The following DOC2A variants were observed in gnomAD, a reference collection of about 807,000 sequenced individuals.
DOC2A encodes the protein double C2-like domain-containing protein alpha.
A neutral mutation model predicts 40.6 loss-of-function variants in DOC2A; 28 were observed. The observed-to-expected ratio is 0.69, with a 90% CI of 0.51 to 0.95. DOC2A has a LOEUF of 0.95. DOC2A is among the 40% of genes least tolerant of loss of function. The pLI is 0.00. For missense variants in DOC2A, 474 were observed against 552.5 expected (o/e 0.86, Z 1.42); for synonymous variants, 241 against 236.9 (o/e 1.02, Z -0.16).
In DOC2A at chr16:30,011,024, G is replaced by A. The variant is rs1158077273; in HGVS notation, c.-135C>T. 9 of 987,706 alleles carry A rather than the reference G, an allele frequency of 9.1e-6. No individual in the cohort carries two copies. Among genetic ancestry groups the A allele is most frequent in the East Asian group, 1.1e-4 (1 of 8,784 alleles). The allele number at this position is 987,706 out of a possible 1,614,324, so 61.2% of individuals were successfully genotyped here. ...CCGAGAGGGAGGGAGCGCCGAGAAA[G>A]TGCGGGGAGGAGGGGGTGAGCGAGG... On this transcript the variant is annotated 5_prime_UTR_variant, in exon 1 of 11. Coordinates refer to ENST00000350119, the MANE Select transcript of DOC2A (RefSeq NM_003586.3).
At position 30,009,178 on chromosome 16, in the gene DOC2A, G is replaced by A. The variant is rs370585487; in HGVS notation, c.417+24C>T. The A allele has an allele frequency of 6.2e-7, 1 of 1,609,300 alleles. No homozygotes were observed. Among genetic ancestry groups the A allele is most frequent in the African/African-American group, 1.3e-5 (1 of 74,874 alleles). ...CAGGCTGGAGTCATGGGCTGGGCCG[G>A]GCGGGGCGAGAGGAGGCTGTTACCT... On this transcript the variant is annotated intron_variant, in intron 4 of 10. Transcript: ENST00000350119. This position sits in a 1 kb window ranked among gnomAD's most constrained non-coding sequence, Gnocchi z 4.1.
chr16:30,022,372 G>A (rs1426922381), upstream of DOC2A, among the ~76,000 whole-genome samples: 3 of 150,094 alleles, frequency 2.0e-5, no homozygotes, highest in African/African-American at 4.9e-5. Flanking sequence ...AGTAATAGGT[G>A]TTCAATAAAT....
chr16:30,006,571 C>T lies in DOC2A; in HGVS notation c.960+25G>A, dbSNP rs376156461. ...TCCCCAGCCCCTCCCTGGCCTCCCT[C>T]CATGTCCCGTCCCCTCCTGGGTACC... On this transcript the variant is annotated intron_variant, in intron 9 of 10. Transcript: ENST00000350119. The surrounding 1 kb of genome is among the most constrained non-coding windows in gnomAD (Gnocchi z 6.2). 6.2e-7 allele frequency: 1 copy of T among 1,613,668 alleles called. No homozygotes were observed. Among genetic ancestry groups the T allele is most frequent in the Admixed American group, 1.7e-5 (1 of 60,002 alleles).
chr16:30,009,888 C>T lies in DOC2A; in HGVS notation c.262+73G>A. Reference sequence around the variant, plus strand: ...TACATGCACAGCCAGCAGGGCCCATCCCCCTCTCCCCCCACCACGGCAAGC... The same window carrying T: ...TACATGCACAGCCAGCAGGGCCCATTCCCCTCTCCCCCCACCACGGCAAGC... On this transcript the variant is annotated intron_variant, in intron 2 of 10. Transcript: ENST00000350119. The surrounding 1 kb of genome is among the most constrained non-coding windows in gnomAD (Gnocchi z 4.1). 6.4e-7 allele frequency: 1 copy of T among 1,559,138 alleles called. No individual in the cohort carries two copies. The highest frequency in any genetic ancestry group is 8.8e-7 in the Non-Finnish European group (1 of 1,136,280).
At position 30,010,930 on chromosome 16, in the gene DOC2A, T is replaced by TG. The variant is rs1376156059; in HGVS notation, c.-42dup. The TG allele has an allele frequency of 5.9e-6, 6 of 1,013,410 alleles. No homozygotes were observed. The highest frequency in any genetic ancestry group is 3.5e-5 in the South Asian group (1 of 28,794). 62.8% of individuals were successfully genotyped at this position (1,013,410 alleles called of 1,614,324 possible). A position where few individuals can be genotyped will look rare whatever the true frequency, so the allele number is the denominator to read the frequency against. ...CTGCCTCCAACAGGTGCCCAGGCAC[T>TG]GGGGGGACGGCGGGCGCAGGCTGGG... On this transcript the variant is annotated 5_prime_UTR_variant, in exon 1 of 11. Transcript: ENST00000350119. The surrounding 1 kb of genome is among the most constrained non-coding windows in gnomAD (Gnocchi z 4.2).
At chr16:30,011,515 C>A (rs2070779931), upstream of DOC2A, 2 of 668,406 alleles carry the variant, frequency 3.0e-6, no homozygotes, top group African/African-American at 2.0e-5. Flanking sequence ...CCACCGGCCT[C>A]GTTGTCATGG....
At chr16:30,016,047 ATATATATATTTTTTTTTTTTT>A (rs1308589449), upstream of DOC2A, among the ~76,000 whole-genome samples, 2 of 22,464 alleles carry the variant, frequency 8.9e-5, no homozygotes, top group African/African-American at 3.1e-4. Context: ...ATATATATAT[ATATATATATTTTTTTTTTTTT>A]TTTTTTTTTT....
At position 30,008,995 on chromosome 16, in the gene DOC2A, C is replaced by T. The variant is rs780276872; in HGVS notation, c.527+1G>A. 1.9e-6 allele frequency: 3 copies of T among 1,610,648 alleles called. No individual in the cohort carries two copies. The highest frequency in any genetic ancestry group is 2.5e-6 in the Non-Finnish European group (3 of 1,177,526). On this transcript the variant is annotated splice_donor_variant, in intron 5 of 10. Coordinates refer to ENST00000350119, the MANE Select transcript of DOC2A (RefSeq NM_003586.3). LOFTEE classifies it high-confidence loss of function. ...TGGGTGGTGGGGAGGGGGGCCCTCACCTGAGCACCTTGTGCGTGATGTCGT... is the reference window on the plus strand; with the variant it reads ...TGGGTGGTGGGGAGGGGGGCCCTCATCTGAGCACCTTGTGCGTGATGTCGT...
In DOC2A at chr16:30,010,063, CG is replaced by C. The variant is rs2070734397; in HGVS notation, c.159del (p.Ala54ProfsTer37). On this transcript the variant is annotated frameshift_variant, in exon 2 of 11. Transcript: ENST00000350119. LOFTEE classifies it high-confidence loss of function. This position sits in a 1 kb window ranked among gnomAD's most constrained non-coding sequence, Gnocchi z 4.2. ...EGGGGGGGEA[P>X]AHLVPLALAP... ...GCCAGAGCCAGGGGGACCAGATGGG[CG>C]GGGGCCTCCCCGCCGCCCCCGCCGC... is the stretch of plus-strand genomic sequence containing the variant. The C allele has an allele frequency of 3.7e-6, 6 of 1,607,402 alleles. No individual in the cohort carries two copies. Among genetic ancestry groups the C allele is most frequent in the African/African-American group, 1.3e-5 (1 of 74,958 alleles).
upstream of DOC2A, among the ~76,000 whole-genome samples, chr16:30,022,814 A>G (rs2070932802): frequency 6.6e-6 from 1 of 152,094 alleles, no homozygotes. Flanking sequence ...CAGACAGATA[A>G]AAGGAAGGGA....
upstream of DOC2A, among the ~76,000 whole-genome samples, chr16:30,014,532 G>A (rs2070835422): frequency 6.6e-6 from 1 of 151,996 alleles, no homozygotes; most frequent in Non-Finnish European, 1.5e-5. Context: ...CTGCTTGGGA[G>A]GCTGAGGCAG....
At position 30,006,599 on chromosome 16, in the gene DOC2A, G is replaced by A. The variant is rs373670987; in HGVS notation, c.957C>T (p.Asn319=). 29 of 1,613,510 alleles carry A rather than the reference G, an allele frequency of 1.8e-5. No individual in the cohort carries two copies. The highest frequency in any genetic ancestry group is 8.8e-5 in the South Asian group (8 of 91,058). The change falls in exon 9 of 11, where the codon AAC becomes AAT. Residue 319 remains asparagine (N), a synonymous_variant. Coordinates refer to ENST00000350119, the MANE Select transcript of DOC2A (RefSeq NM_003586.3). This position sits in a 1 kb window ranked among gnomAD's most constrained non-coding sequence, Gnocchi z 6.2. ...VKKKTLNPEF[N]EEFFYEIELS... ...TGTCCCGTCCCCTCCTGGGTACCTC[G>A]TTAAATTCTGGGTTGAGAGTCTTCT... is the stretch of plus-strand genomic sequence containing the variant.
At position 30,009,872 on chromosome 16, in the gene DOC2A, A is replaced by T; in HGVS notation, c.262+89T>A. On this transcript the variant is annotated intron_variant, in intron 2 of 10. Transcript: ENST00000350119. This position sits in a 1 kb window ranked among gnomAD's most constrained non-coding sequence, Gnocchi z 4.1. The stretch of plus-strand genomic sequence containing the variant: ...GCCCTCCTCCCCTACCTACATGCAC[A>T]GCCAGCAGGGCCCATCCCCCTCTCC... 7.4e-7 allele frequency: 1 copy of T among 1,343,104 alleles called. No individual in the cohort carries two copies. The highest frequency in any genetic ancestry group is 1.2e-5 in the South Asian group (1 of 83,370). The allele number at this position is 1,343,104 out of a possible 1,614,324, so 83.2% of individuals were successfully genotyped here. A position where few individuals can be genotyped will look rare whatever the true frequency, so the allele number is the denominator to read the frequency against.
chr16:30,013,022 A>C (rs1161332854), upstream of DOC2A, among the ~76,000 whole-genome samples: 1 of 151,548 alleles, frequency 6.6e-6, no homozygotes, highest in African/African-American at 2.4e-5. Flanking sequence ...CAAACAAAAA[A>C]CCCTGAGATA....
chr16:30,009,312 C>T lies in DOC2A; in HGVS notation c.343-36G>A. On this transcript the variant is annotated intron_variant, in intron 3 of 10. Transcript: ENST00000350119. The surrounding 1 kb of genome is among the most constrained non-coding windows in gnomAD (Gnocchi z 4.1). ...GGGCAGGGGAGAGGGCTAGAGGCTC[C>T]CGGCACCTCTCTCCATCCCTCTTGT... 2 of 1,538,050 alleles carry T rather than the reference C, an allele frequency of 1.3e-6. No homozygotes were observed. Among genetic ancestry groups the T allele is most frequent in the Non-Finnish European group, 1.8e-6 (2 of 1,135,540 alleles).
rs923700412 is a variant in DOC2A at position 30,005,645 on chromosome 16, AG to A, written c.*540del. The A allele has an allele frequency of 1.3e-3, 775 of 593,504 alleles. 6 individuals carry two copies. Among genetic ancestry groups the A allele is most frequent in the African/African-American group, 0.012 (612 of 52,230 alleles). 36.8% of individuals were successfully genotyped at this position (593,504 alleles called of 1,614,324 possible). A position where few individuals can be genotyped will look rare whatever the true frequency, so the allele number is the denominator to read the frequency against. On this transcript the variant is annotated 3_prime_UTR_variant, in exon 11 of 11. Transcript: ENST00000350119. Reference sequence around the variant, plus strand: ...CTGCCTTCAAACCCCGGCCCCCTCCAGGGGACAGTTATTTAAACGAGTGGCC... The same window carrying A: ...CTGCCTTCAAACCCCGGCCCCCTCCAGGGACAGTTATTTAAACGAGTGGCC...
chr16:30,010,587 G>T lies in DOC2A; in HGVS notation c.-14+316C>A. 3.0e-6 allele frequency: 1 copy of T among 338,934 alleles called. No individual in the cohort carries two copies. The highest frequency in any genetic ancestry group is 5.6e-6 in the Non-Finnish European group (1 of 177,556). The allele number at this position is 338,934 out of a possible 1,614,324, so 21.0% of individuals were successfully genotyped here. On this transcript the variant is annotated intron_variant, in intron 1 of 10. Transcript: ENST00000350119. This position sits in a 1 kb window ranked among gnomAD's most constrained non-coding sequence, Gnocchi z 4.2. Reference sequence around the variant, plus strand: ...TGCCTGTCCCCCAAGGGGCCCTGCAGGGCCCCGCCTCTGTTTCTCGGAGGC... The same window carrying T: ...TGCCTGTCCCCCAAGGGGCCCTGCATGGCCCCGCCTCTGTTTCTCGGAGGC...
Position 30,006,293 on chromosome 16 carries a change from G to C in DOC2A, c.1096C>G (p.Arg366Gly). 1.2e-6 allele frequency: 2 copies of C among 1,610,384 alleles called. No homozygotes were observed. Among genetic ancestry groups the C allele is most frequent in the South Asian group, 1.1e-5 (1 of 90,842 alleles). The change falls in exon 11 of 11, where the codon CGG (arginine) becomes GGG (glycine). Residue 366 changes from arginine to glycine, a missense_variant. Physicochemically the swap from Arg to Gly is moderately radical, Grantham distance 125. Transcript: ENST00000350119. The surrounding 1 kb of genome is among the most constrained non-coding windows in gnomAD (Gnocchi z 6.2). ...SLGPGARGEA[R>G]KHWSDCLQQP... is the part of the protein sequence containing the mutation. ...TGCAGGCAGTCACTCCAGTGCTTCCGAGCCTCGCCTCGGGCACCTGGCCCC... is the reference window on the plus strand; with the variant it reads ...TGCAGGCAGTCACTCCAGTGCTTCCCAGCCTCGCCTCGGGCACCTGGCCCC...
chr16:30,013,894 T>C (rs185249280), upstream of DOC2A, among the ~76,000 whole-genome samples: 156 of 152,160 alleles, frequency 1.0e-3, 1 homozygote, highest in East Asian at 0.015. Flanking sequence ...TTTTTGTATT[T>C]TTAGTAGAGA....
Sources: allele counts gnomAD v4.1 joint callset (sites outside exome capture counted in the v4.1 genomes callset), GRCh38; gene constraint gnomAD v4.1.1; non-coding constraint Gnocchi (gnomAD v3.1); transcripts MANE v1.5; gene names NCBI Gene and HGNC (gene_info 2026-07-23, HGNC 2026-07-21).